Variants in TSPAN7 observed in about 807,000 individuals in gnomAD.
TSPAN7 encodes tetraspanin 7, also known as tetraspanin-7.
A neutral mutation model predicts 17.6 loss-of-function variants in TSPAN7; 1 was observed. The observed-to-expected ratio is 0.06, with a 90% confidence interval of 0.02 to 0.27. The LOEUF is 0.27. TSPAN7 is among the 10% of genes least tolerant of loss of function. The pLI, the probability that TSPAN7 is intolerant of heterozygous loss-of-function variation, is 1.00. For missense variants in TSPAN7, 112 were observed against 201.7 expected (o/e 0.56, Z 2.69); for synonymous variants, 78 against 79.0 (o/e 0.99, Z 0.07).
chrX:38,687,785 C>A, intron 7 of TSPAN7, 111 bp downstream of exon 7: 2 of 560,020 alleles, frequency 3.6e-6, no homozygotes, highest in African/African-American at 2.3e-5. Context: ...ATCTTGGTGG[C>A]ACTTGTCCAT....
intron 1 of TSPAN7, among the ~76,000 whole-genome samples, chrX:38,658,659 C>T (rs1428476417): frequency 1.8e-5 from 2 of 111,369 alleles, no homozygotes; most frequent in African/African-American, 6.5e-5. Context: ...AGTCCTTGAA[C>T]TTCCCACCAT....
chrX:38,611,355 G>C (rs1181863543), intron 1 of TSPAN7, among the ~76,000 whole-genome samples: 1 of 112,078 alleles, frequency 8.9e-6, no homozygotes, highest in Non-Finnish European at 1.9e-5. Context: ...AAGTGAACCT[G>C]TTGTCTGGGG....
intron 2 of TSPAN7, 120 bp from the exon 3 acceptor site, chrX:38,671,256 C>T (rs1443951905): frequency 1.6e-5 from 11 of 683,237 alleles, no homozygotes; most frequent in Non-Finnish European, 2.6e-5. Flanking sequence ...TTTTTCTAAA[C>T]TTTGTCTAGG....
chrX:38,597,533 A>C (rs767393280), intron 1 of TSPAN7, among the ~76,000 whole-genome samples: 289 of 111,427 alleles, frequency 2.6e-3, no homozygotes, highest in African/African-American at 9.2e-3. Context: ...CGAGTTAATG[A>C]TAATGAACCA....
chrX:38,606,219 AAAAC>A (rs1321758370), intron 1 of TSPAN7, among the ~76,000 whole-genome samples: 7 of 110,901 alleles, frequency 6.3e-5, no homozygotes, highest in South Asian at 3.9e-4. Context: ...TTACAAGAAA[AAAAC>A]AAACAACCCC....
intron 1 of TSPAN7, among the ~76,000 whole-genome samples, chrX:38,639,247 C>T (rs1239968955): frequency 9.1e-6 from 1 of 109,586 alleles, no homozygotes; most frequent in Non-Finnish European, 1.9e-5. Context: ...TGTAACAGCC[C>T]CCCTGAGGTG....
intron 2 of TSPAN7, 135 bp from the exon 3 acceptor site, chrX:38,671,241 A>T: frequency 1.6e-6 from 1 of 626,182 alleles, no homozygotes; most frequent in Admixed American, 2.4e-5. Flanking sequence ...CGAATGTTTT[A>T]TATTTTTTTC....
At position 38,572,344 on chromosome X, in the gene TSPAN7, A is replaced by C. The variant is rs146200559; in HGVS notation, c.81+10717A>C. ...GCTGACCTTGAATCGTGTGAAGCTC[A>C]TTGTAATTGGCTTCCAGAAGTGTGT... On this transcript the variant is annotated intron_variant, in intron 1 of 7. Coordinates refer to ENST00000378482, the MANE Select transcript of TSPAN7 (RefSeq NM_004615.4). Among the ~76,000 whole-genome samples the C allele has an allele frequency of 2.3e-3, 254 of 111,454 alleles. 2 individuals are homozygous for C. Among genetic ancestry groups the C allele is most frequent in the African/African-American group, 8.0e-3 (246 of 30,651 alleles).
intron 1 of TSPAN7, among the ~76,000 whole-genome samples, chrX:38,645,110 C>T (rs1015557607): frequency 1.8e-5 from 2 of 112,169 alleles, no homozygotes; most frequent in Non-Finnish European, 3.8e-5. Context: ...GTCACCCCAC[C>T]CATCTGCACT....
intron 1 of TSPAN7, among the ~76,000 whole-genome samples, chrX:38,655,764 G>C (rs772981903): frequency 2.7e-5 from 3 of 111,622 alleles, no homozygotes; most frequent in African/African-American, 6.5e-5. Context: ...TGACTTTTTT[G>C]CCATCTGAGT....
At chrX:38,565,507 C>T (rs1247928463) in intron 1 of TSPAN7, among the ~76,000 whole-genome samples, 1 of 112,381 alleles carries the variant, frequency 8.9e-6, no homozygotes, top group African/African-American at 3.2e-5. Flanking sequence ...GGATTACAGG[C>T]GTGAGCCACC....
intron 2 of TSPAN7, among the ~76,000 whole-genome samples, chrX:38,670,853 G>T (rs1432052031): frequency 8.9e-6 from 1 of 112,329 alleles, no homozygotes; most frequent in Non-Finnish European, 1.9e-5. Context: ...GTGAGTGGAA[G>T]TTAGAAGTAG....
chrX:38,612,098 T>C (rs912960421), intron 1 of TSPAN7, among the ~76,000 whole-genome samples: 3 of 112,343 alleles, frequency 2.7e-5, no homozygotes, highest in Non-Finnish European at 3.8e-5. Flanking sequence ...GGGAGAAATC[T>C]GGCTTCTGCT....
chrX:38,649,669 G>A (rs1203443202), intron 1 of TSPAN7, among the ~76,000 whole-genome samples: 1 of 111,787 alleles, frequency 8.9e-6, no homozygotes, highest in East Asian at 2.8e-4. Context: ...AGGGCAAAGG[G>A]TTGTGCTGTT....
chrX:38,645,791 C>T (rs749942008), intron 1 of TSPAN7, among the ~76,000 whole-genome samples: 8 of 111,605 alleles, frequency 7.2e-5, no homozygotes, highest in Non-Finnish European at 1.1e-4. Context: ...TTCTTGGTAG[C>T]GTGCATGGCT....
At position 38,671,801 on chromosome X, in the gene TSPAN7, G is replaced by A. The variant is rs193187221; in HGVS notation, c.345+351G>A. 2.6e-4 allele frequency among the ~76,000 whole-genome samples: 29 copies of A among 111,397 alleles called. 1 individual carries two copies. The South Asian group carries it at 0.011, about 43-fold the overall frequency. ...CTCATATCTGCAATACCAGAGCTTT[G>A]CAAGGCCTGGGGCAGGAGGATCTCT... is the stretch of plus-strand genomic sequence containing the variant. On this transcript the variant is annotated intron_variant, in intron 3 of 7. Transcript: ENST00000378482.
chrX:38,622,037 A>C (rs1219508851), intron 1 of TSPAN7, among the ~76,000 whole-genome samples: 3 of 112,724 alleles, frequency 2.7e-5, no homozygotes, highest in Non-Finnish European at 3.7e-5. Context: ...AAAGGCAAAA[A>C]CTACTGATTT....
At chrX:38,666,344 C>G in intron 2 of TSPAN7, 35 bp downstream of exon 2, 1 of 1,185,010 alleles carries the variant, frequency 8.4e-7, no homozygotes, top group Non-Finnish European at 1.1e-6. Context: ...GCTTTCTCAA[C>G]TATATTTTTG....
chrX:38,658,333 G>A (rs1173725529), intron 1 of TSPAN7, among the ~76,000 whole-genome samples: 1 of 106,928 alleles, frequency 9.4e-6, no homozygotes, highest in Non-Finnish European at 1.9e-5. Flanking sequence ...GGCATGTGCT[G>A]ACACACCTGG....
Sources: gnomAD v4.1 joint callset for allele counts (sites outside exome capture counted in the v4.1 genomes callset) on GRCh38, gnomAD v4.1.1 for gene constraint, MANE v1.5 for transcripts, NCBI Gene and HGNC (gene_info 2026-07-23, HGNC 2026-07-21) for gene names.